The following TOX variants were observed in gnomAD, a reference collection of about 807,000 sequenced individuals.
TOX encodes the protein thymocyte selection associated high mobility group box.
Under a neutral mutation model 53.7 loss-of-function variants are expected in TOX, and 11 were observed. The observed-to-expected ratio is 0.20, with a 90% CI of 0.13 to 0.34. TOX has a LOEUF of 0.34. Ranked by LOEUF, TOX falls within the 10% of genes least tolerant of loss-of-function variation. TOX has a pLI of 1.00. For missense variants in TOX, 570 were observed against 664.6 expected, an observed-to-expected ratio of 0.86 and a Z score of 1.56; for synonymous variants, 225 against 245.3, an observed-to-expected ratio of 0.92 and a Z score of 0.77.
chr8:58,904,465 A>G (rs111664593), intron 3 of TOX, among the ~76,000 whole-genome samples: 2 of 152,238 alleles, frequency 1.3e-5, no homozygotes, highest in African/African-American at 4.8e-5. Context: ...TCCACAGCCT[A>G]TGGGGATTCG....
At chr8:58,817,546 C>G (rs899989764) in intron 6 of TOX, among the ~76,000 whole-genome samples, 3 of 152,146 alleles carry the variant, frequency 2.0e-5, no homozygotes, top group African/African-American at 7.2e-5. Context: ...ATAACATGTA[C>G]TGCAATTCAT....
intron 1 of TOX, among the ~76,000 whole-genome samples, chr8:58,971,798 C>A (rs1585933295): frequency 6.6e-6 from 1 of 152,268 alleles, no homozygotes; most frequent in African/African-American, 2.4e-5. Flanking sequence ...TCAAACAATT[C>A]TCTTGCCTTA....
chr8:59,073,877 T>C (rs1212537163), intron 1 of TOX, among the ~76,000 whole-genome samples: 1 of 152,172 alleles, frequency 6.6e-6, no homozygotes, highest in African/African-American at 2.4e-5. Flanking sequence ...TTAAATAGCA[T>C]GGGTCCAGTG....
At chr8:58,920,721 T>TAAAAAAAAAAAAAAAAAAAAAAATA (rs5891703) in intron 3 of TOX, among the ~76,000 whole-genome samples, 1 of 81,068 alleles carries the variant, frequency 1.2e-5, no homozygotes, top group Admixed American at 1.6e-4. Context: ...AAAAAAACAT[T>TAAAAAAAAAAAAAAAAAAAAAAATA]AAAAAAAAAA....
chr8:58,913,269 T>C (rs1375906581), intron 3 of TOX, among the ~76,000 whole-genome samples: 5 of 152,178 alleles, frequency 3.3e-5, no homozygotes, highest in South Asian at 2.1e-4. Flanking sequence ...TGAGCTATGA[T>C]TGCACCACTG....
intron 1 of TOX, among the ~76,000 whole-genome samples, chr8:59,013,408 T>C (rs1321923543): frequency 1.1e-5 from 1 of 90,384 alleles, no homozygotes; most frequent in East Asian, 4.0e-4. Context: ...AACTATCAGA[T>C]AGGCCTTTTT....
intron 1 of TOX, among the ~76,000 whole-genome samples, chr8:59,112,926 CATG>C (rs1465755433): frequency 9.9e-5 from 15 of 152,188 alleles, no homozygotes; most frequent in African/African-American, 3.4e-4. Flanking sequence ...ACAATCAACT[CATG>C]ATAATTACAT....
At chr8:58,966,569 C>A (rs1460418036) in intron 1 of TOX, among the ~76,000 whole-genome samples, 1 of 152,122 alleles carries the variant, frequency 6.6e-6, no homozygotes, top group East Asian at 1.9e-4. Context: ...GCTAGACCCA[C>A]AACTTAGAAG....
chr8:59,013,758 T>G (rs555793570), intron 1 of TOX, among the ~76,000 whole-genome samples: 53 of 152,368 alleles, frequency 3.5e-4, no homozygotes, highest in Non-Finnish European at 5.6e-4. Flanking sequence ...AAGCATATTC[T>G]GCCCCAAATT....
At chr8:58,812,290 C>T (rs1165614947) in intron 7 of TOX, among the ~76,000 whole-genome samples, 1 of 152,148 alleles carries the variant, frequency 6.6e-6, no homozygotes, top group Non-Finnish European at 1.5e-5. Flanking sequence ...ATACCAGTCC[C>T]CTTCACCTGC....
At chr8:58,959,764 A>G (rs549970854) in intron 2 of TOX, among the ~76,000 whole-genome samples, 179 bp downstream of exon 2, 1 of 152,248 alleles carries the variant, frequency 6.6e-6, no homozygotes, top group South Asian at 2.1e-4. Context: ...ACAAATGCCA[A>G]CTCTGGCGTT....
At chr8:59,019,513 A>G (rs141421014) in intron 1 of TOX, among the ~76,000 whole-genome samples, 17 of 152,354 alleles carry the variant, frequency 1.1e-4, no homozygotes, top group African/African-American at 3.1e-4. Context: ...TACACAGCAG[A>G]CACAAACTAG....
At chr8:58,891,527 A>G (rs1811561367) in intron 3 of TOX, among the ~76,000 whole-genome samples, 1 of 152,176 alleles carries the variant, frequency 6.6e-6, no homozygotes, top group Non-Finnish European at 1.5e-5. Flanking sequence ...AAGGGTGAAC[A>G]GTGGTGGTAT....
At chr8:59,066,475 A>G (rs17304270) in intron 1 of TOX, among the ~76,000 whole-genome samples, 82,893 of 152,060 alleles carry the variant, frequency 0.55, 27,301 homozygotes, top group Non-Finnish European at 0.75. Context: ...AAAAATTCCA[A>G]TAACAGATAG....
At chr8:59,049,674 T>C (rs1273960513) in intron 1 of TOX, among the ~76,000 whole-genome samples, 1 of 152,168 alleles carries the variant, frequency 6.6e-6, no homozygotes, top group African/African-American at 2.4e-5. Flanking sequence ...TTAAATCCCT[T>C]GTAAAAAGAT....
At chr8:58,969,464 C>A (rs1438944017) in intron 1 of TOX, among the ~76,000 whole-genome samples, 1 of 152,124 alleles carries the variant, frequency 6.6e-6, no homozygotes, top group Non-Finnish European at 1.5e-5. Flanking sequence ...TTTTTTACAT[C>A]TTCAAGTACT....
chr8:59,023,217 G>C (rs1238732320), intron 1 of TOX, among the ~76,000 whole-genome samples: 1 of 152,100 alleles, frequency 6.6e-6, no homozygotes, highest in African/African-American at 2.4e-5. Context: ...ATCATTTTGA[G>C]AATAATTTAT....
chr8:58,870,003 AAG>A (rs2129169896), intron 3 of TOX, among the ~76,000 whole-genome samples: 1 of 152,276 alleles, frequency 6.6e-6, no homozygotes, highest in East Asian at 1.9e-4. Context: ...CTTTCCTGCT[AAG>A]ATCAGAAACA....
At chr8:58,963,285 T>C (rs1812831782) in intron 1 of TOX, among the ~76,000 whole-genome samples, 1 of 149,588 alleles carries the variant, frequency 6.7e-6, no homozygotes, top group South Asian at 2.1e-4. Flanking sequence ...TCTCTTTTGA[T>C]AGATAGAAGA....
Sources: gnomAD v4.1 joint callset for allele counts (sites outside exome capture counted in the v4.1 genomes callset) on GRCh38, gnomAD v4.1.1 for gene constraint, MANE v1.5 for transcripts, NCBI Gene and HGNC (gene_info 2026-07-23, HGNC 2026-07-21) for gene names.